Variants in AKAP19 observed in about 807,000 individuals in gnomAD.
AKAP19 encodes A-kinase anchoring protein 19.
At chr2:189,977,897 G>T in the AKAP19 span, among the ~76,000 whole-genome samples, 5,242 of 152,254 alleles carry the variant, frequency 0.034, 285 homozygotes, top group African/African-American at 0.12. Context: ...AAACCATACT[G>T]CTAGTCTTCA....
chr2:189,995,449 G>T, the AKAP19 span, among the ~76,000 whole-genome samples: 1 of 151,992 alleles, frequency 6.6e-6, no homozygotes, highest in East Asian at 1.9e-4. Flanking sequence ...CTCACTTTTG[G>T]TTTCCATTTG....
At chr2:189,963,416 C>T in the AKAP19 span, among the ~76,000 whole-genome samples, 1 of 152,048 alleles carries the variant, frequency 6.6e-6, no homozygotes, top group African/African-American at 2.4e-5. Context: ...AGGATGGTCT[C>T]GATCTCCTGA....
the AKAP19 span, among the ~76,000 whole-genome samples, chr2:190,012,283 C>T: frequency 7.0e-6 from 1 of 141,866 alleles, no homozygotes; most frequent in South Asian, 2.5e-4. Context: ...CACCACCACA[C>T]CTGACTAATT....
chr2:189,949,635 T>C, the AKAP19 span, among the ~76,000 whole-genome samples: 5,225 of 145,056 alleles, frequency 0.036, 228 homozygotes, highest in East Asian at 0.13. Flanking sequence ...TTCTTTCTTT[T>C]TTTTTTTTTT....
At chr2:190,186,295 G>T in the AKAP19 span, among the ~76,000 whole-genome samples, 1 of 152,184 alleles carries the variant, frequency 6.6e-6, no homozygotes, top group Non-Finnish European at 1.5e-5. This position sits in a 1 kb window ranked among gnomAD's most constrained non-coding sequence, Gnocchi z 5.5. Context: ...CCAGTTCACA[G>T]ATAAAATCAT....
chr2:190,074,374 A>G, the AKAP19 span, among the ~76,000 whole-genome samples: 1 of 152,050 alleles, frequency 6.6e-6, no homozygotes, highest in African/African-American at 2.4e-5. Flanking sequence ...AGAAAAGGCC[A>G]GGTGCGGTGG....
the AKAP19 span, among the ~76,000 whole-genome samples, chr2:190,172,145 T>G: frequency 6.6e-6 from 1 of 152,180 alleles, no homozygotes; most frequent in African/African-American, 2.4e-5. Context: ...CGCCTGTTCT[T>G]TGGCATAGGC....
At chr2:189,923,204 C>A in the AKAP19 span, 1 of 789,954 alleles carries the variant, frequency 1.3e-6, no homozygotes, top group Non-Finnish European at 2.1e-6. Flanking sequence ...TGAGCGGTTG[C>A]GGCCGCGTTG....
chr2:190,002,123 AG>A, the AKAP19 span, among the ~76,000 whole-genome samples: 1 of 152,338 alleles, frequency 6.6e-6, no homozygotes, highest in Non-Finnish European at 1.5e-5. Context: ...GCCTTAGGCC[AG>A]ACACCACACA....
At chr2:189,926,648 T>G in the AKAP19 span, among the ~76,000 whole-genome samples, 1 of 132,660 alleles carries the variant, frequency 7.5e-6, no homozygotes, top group Non-Finnish European at 1.6e-5. Flanking sequence ...TGGCGCGATC[T>G]CGGCTCACTG....
the AKAP19 span, among the ~76,000 whole-genome samples, chr2:189,996,074 A>G: frequency 6.6e-6 from 1 of 152,158 alleles, no homozygotes; most frequent in African/African-American, 2.4e-5. Flanking sequence ...CTATGTGCCT[A>G]TGTAATGATC....
chr2:190,193,140 A>G, the AKAP19 span, among the ~76,000 whole-genome samples: 1 of 152,122 alleles, frequency 6.6e-6, no homozygotes, highest in Non-Finnish European at 1.5e-5. Context: ...AGGCCTTCCT[A>G]TTAATACTTT....
the AKAP19 span, among the ~76,000 whole-genome samples, chr2:190,197,053 T>G: frequency 6.6e-6 from 1 of 152,170 alleles, no homozygotes; most frequent in Non-Finnish European, 1.5e-5. The surrounding 1 kb of genome is among the most constrained non-coding windows in gnomAD (Gnocchi z 4.0). Context: ...GCCTCACATG[T>G]CAGTAGGGGC....
At chr2:190,161,811 A>G in the AKAP19 span, among the ~76,000 whole-genome samples, 3 of 152,174 alleles carry the variant, frequency 2.0e-5, no homozygotes, top group Non-Finnish European at 4.4e-5. Flanking sequence ...CTCAGCCACG[A>G]AAAAGAAAAG....
chr2:190,081,118 T>G, the AKAP19 span, among the ~76,000 whole-genome samples: 1 of 152,182 alleles, frequency 6.6e-6, no homozygotes, highest in South Asian at 2.1e-4. Context: ...AAGGTTGTCT[T>G]TTGGTGGAGG....
At chr2:189,941,381 A>G in the AKAP19 span, among the ~76,000 whole-genome samples, 1 of 152,246 alleles carries the variant, frequency 6.6e-6, no homozygotes, top group African/African-American at 2.4e-5. Flanking sequence ...CCAAAAGACA[A>G]GTGTCTGGAA....
chr2:190,161,887 A>T, the AKAP19 span, among the ~76,000 whole-genome samples: 1 of 152,154 alleles, frequency 6.6e-6, no homozygotes, highest in Non-Finnish European at 1.5e-5. Flanking sequence ...TACTGGTTCT[A>T]TTCTCTAATC....
the AKAP19 span, among the ~76,000 whole-genome samples, chr2:190,115,140 A>AGT: frequency 3.5e-3 from 436 of 123,884 alleles, 6 homozygotes; most frequent in African/African-American, 0.012. Flanking sequence ...AGAGAGAAAG[A>AGT]GTGTGTGTGT....
At chr2:190,011,435 A>G in the AKAP19 span, among the ~76,000 whole-genome samples, 1 of 152,000 alleles carries the variant, frequency 6.6e-6, no homozygotes, top group Non-Finnish European at 1.5e-5. Flanking sequence ...TTTTTACATG[A>G]TGTAATTTTT....
Sources: gnomAD v4.1 joint callset for allele counts (sites outside exome capture counted in the v4.1 genomes callset) on GRCh38, gnomAD v4.1.1 for gene constraint, Gnocchi (gnomAD v3.1) non-coding constraint, MANE v1.5 for transcripts, NCBI Gene and HGNC (gene_info 2026-07-23, HGNC 2026-07-21) for gene names.